Variants in CDH13 observed in about 807,000 individuals in gnomAD.
The protein encoded by CDH13 is cadherin 13.
A neutral mutation model predicts 63.8 loss-of-function variants in CDH13; 24 were observed. The observed-to-expected ratio is 0.38, with a 90% CI of 0.27 to 0.53. The LOEUF (loss-of-function observed/expected upper bound fraction) is 0.53, where lower values mean the gene tolerates loss of function less well. CDH13 is among the 20% of genes least tolerant of loss of function. The probability of loss-of-function intolerance (pLI) is 0.85; values close to 1 mark genes in which losing one functional copy is unlikely to be tolerated. For synonymous variants in CDH13, 503 were observed against 355.3 expected, an observed-to-expected ratio of 1.42 and a Z score of -4.67; for missense variants, 1,049 against 903.1, an observed-to-expected ratio of 1.16 and a Z score of -2.07.
intron 11 of CDH13, among the ~76,000 whole-genome samples, chr16:83,749,996 T>A (rs1387426005): frequency 6.6e-6 from 1 of 152,182 alleles, no homozygotes; most frequent in Admixed American, 6.5e-5. Context: ...CATAGTCATT[T>A]ATAAGAAATA....
rs59677448 is a variant in CDH13 at position 82,896,276 on chromosome 16, A to ATTTTTTTTTTTTTTT, written c.157+37822_157+37836dup. 6.5e-4 allele frequency among the ~76,000 whole-genome samples: 57 copies of ATTTTTTTTTTTTTTT among 87,854 alleles called. 4 individuals carry two copies. The highest frequency in any genetic ancestry group is 9.5e-4 in the Admixed American group (6 of 6,298). 57.6% of individuals were successfully genotyped at this position (87,854 alleles called of 152,430 possible). A position where few individuals can be genotyped will look rare whatever the true frequency, so the allele number is the denominator to read the frequency against. ...GAGTCTTCTGAGAACTAGGATTAGGATTTTTTTTTTTTTTTTTTTTTTTTT... is the reference window on the plus strand; with the variant it reads ...GAGTCTTCTGAGAACTAGGATTAGGATTTTTTTTTTTTTTTTTTTTTTTTTTTTTTTTTTTTTTTT... On this transcript the variant is annotated intron_variant, in intron 2 of 13. Transcript: ENST00000567109.
intron 6 of CDH13, among the ~76,000 whole-genome samples, chr16:83,480,747 C>T (rs1486868611): frequency 1.3e-5 from 2 of 152,152 alleles, no homozygotes; most frequent in Non-Finnish European, 2.9e-5. Context: ...ATCTGGTTCT[C>T]ATTTGGAACC....
At chr16:83,020,631 A>G (rs965035863) in intron 2 of CDH13, among the ~76,000 whole-genome samples, 1 of 152,212 alleles carries the variant, frequency 6.6e-6, no homozygotes, top group African/African-American at 2.4e-5. Flanking sequence ...TTGTGTATGT[A>G]GCTTTCTTTT....
At chr16:82,696,830 C>G (rs1475258067) in intron 1 of CDH13, among the ~76,000 whole-genome samples, 1 of 152,204 alleles carries the variant, frequency 6.6e-6, no homozygotes, top group Non-Finnish European at 1.5e-5. Context: ...TTTCACGATA[C>G]TGTTGTCAAG....
intron 2 of CDH13, among the ~76,000 whole-genome samples, chr16:82,936,758 C>G (rs1451396361): frequency 6.6e-6 from 1 of 152,200 alleles, no homozygotes; most frequent in Non-Finnish European, 1.5e-5. Context: ...TAGGTAGAAT[C>G]AACTCTACTT....
At chr16:82,819,975 T>C (rs111347348) in intron 1 of CDH13, among the ~76,000 whole-genome samples, 2 of 152,094 alleles carry the variant, frequency 1.3e-5, no homozygotes, top group African/African-American at 4.8e-5. Context: ...AAAATTTATC[T>C]GAGAAGTGGT....
chr16:82,647,966 A>T (rs1190417420), intron 1 of CDH13, among the ~76,000 whole-genome samples: 1 of 152,142 alleles, frequency 6.6e-6, no homozygotes, highest in Non-Finnish European at 1.5e-5. Flanking sequence ...TTTTCATGGT[A>T]GTGAATAAGT....
intron 5 of CDH13, among the ~76,000 whole-genome samples, chr16:83,234,147 C>T (rs558802970): frequency 6.6e-6 from 1 of 152,228 alleles, no homozygotes; most frequent in Admixed American, 6.5e-5. Context: ...TCTGAAAGCT[C>T]ATAGGCAGTG....
intron 10 of CDH13, among the ~76,000 whole-genome samples, chr16:83,713,995 G>C (rs1166703952): frequency 6.6e-6 from 1 of 152,094 alleles, no homozygotes; most frequent in Non-Finnish European, 1.5e-5. Flanking sequence ...CAAAATTCCT[G>C]GGCTCATGCT....
rs796979937 is a variant in CDH13 at position 82,860,410 on chromosome 16, C to T, written c.157+1937C>T. 1.2e-3 allele frequency among the ~76,000 whole-genome samples: 160 copies of T among 132,812 alleles called. 2 individuals are homozygous for T. Among genetic ancestry groups the T allele is most frequent in the African/African-American group, 4.5e-3 (158 of 35,330 alleles). 87.1% of individuals were successfully genotyped at this position (132,812 alleles called of 152,430 possible). A position where few individuals can be genotyped will look rare whatever the true frequency, so the allele number is the denominator to read the frequency against. ...GTGTGGGGGGGGGGGCGGCGGTGTG[C>T]GTGTGTGCTTTAATCCCCTAAGTAA... is the stretch of plus-strand genomic sequence containing the variant. On this transcript the variant is annotated intron_variant, in intron 2 of 13. Transcript: ENST00000567109.
chr16:83,595,868 G>T (rs1169968701), intron 7 of CDH13, among the ~76,000 whole-genome samples: 1 of 152,154 alleles, frequency 6.6e-6, no homozygotes, highest in Admixed American at 6.5e-5. Flanking sequence ...ACTCATTCAG[G>T]CTGGTTTTGG....
At chr16:83,494,898 T>C (rs1464135235) in intron 7 of CDH13, among the ~76,000 whole-genome samples, 1 of 152,236 alleles carries the variant, frequency 6.6e-6, no homozygotes. Context: ...TGATCAACCT[T>C]ATTGGACATA....
intron 6 of CDH13, among the ~76,000 whole-genome samples, chr16:83,356,954 G>A (rs547725305): frequency 1.3e-5 from 2 of 152,136 alleles, no homozygotes; most frequent in Non-Finnish European, 2.9e-5. Flanking sequence ...GGGAATTCTT[G>A]TGTTTTCTTT....
intron 2 of CDH13, among the ~76,000 whole-genome samples, chr16:82,995,868 A>T (rs1250017673): frequency 6.6e-6 from 1 of 152,136 alleles, no homozygotes; most frequent in Non-Finnish European, 1.5e-5. Context: ...TGGGGAATCG[A>T]TATCGTTTAA....
intron 1 of CDH13, among the ~76,000 whole-genome samples, chr16:82,776,594 TG>T (rs1485519511): frequency 6.6e-6 from 1 of 152,206 alleles, no homozygotes; most frequent in African/African-American, 2.4e-5. Context: ...TGTCACTATT[TG>T]TTTTAGGAAG....
At chr16:83,000,220 C>CTTTTTTTTTTTTTTTTTTTTTTTTTT (rs1567731430) in intron 2 of CDH13, among the ~76,000 whole-genome samples, 2 of 33,948 alleles carry the variant, frequency 5.9e-5, no homozygotes, top group African/African-American at 2.1e-4. Flanking sequence ...ACAGGTTTAG[C>CTTTTTTTTTTTTTTTTTTTTTTTTTT]TTATTTTTTT....
intron 1 of CDH13, among the ~76,000 whole-genome samples, chr16:82,810,456 T>C (rs2037386714): frequency 1.3e-5 from 2 of 152,176 alleles, no homozygotes; most frequent in Non-Finnish European, 2.9e-5. Context: ...AATTCTCATT[T>C]TGAGAGGATC....
intron 5 of CDH13, among the ~76,000 whole-genome samples, chr16:83,278,124 A>C (rs1007312849): frequency 3.3e-5 from 5 of 152,246 alleles, no homozygotes; most frequent in Non-Finnish European, 5.9e-5. Flanking sequence ...CTTTAAAAAA[A>C]AATGCATTAT....
intron 1 of CDH13, among the ~76,000 whole-genome samples, chr16:82,843,029 T>G (rs1352246980): frequency 6.6e-6 from 1 of 152,212 alleles, no homozygotes; most frequent in Non-Finnish European, 1.5e-5. Flanking sequence ...CACCTCTTGC[T>G]ATGTGGTCCG....
Sources: gnomAD v4.1 joint callset for allele counts (sites outside exome capture counted in the v4.1 genomes callset) on GRCh38, gnomAD v4.1.1 for gene constraint, MANE v1.5 for transcripts, NCBI Gene and HGNC (gene_info 2026-07-23, HGNC 2026-07-21) for gene names.